SEPTIN9: variants seen among roughly 807,000 people sequenced by gnomAD.
SEPTIN9 encodes septin-9.
Under a neutral mutation model 56.6 loss-of-function variants are expected in SEPTIN9, and 13 were observed. The ratio of observed to expected loss-of-function variants is 0.23; its 90% CI spans 0.15 to 0.37. SEPTIN9 has a LOEUF of 0.37. SEPTIN9 is among the 10% of genes least tolerant of loss of function. The pLI is 1.00. For synonymous variants in SEPTIN9, 332 were observed against 334.1 expected, an observed-to-expected ratio of 0.99 and a Z score of 0.07; for missense variants, 650 against 823.1, an observed-to-expected ratio of 0.79 and a Z score of 2.57.
chr17:77,432,286 C>T (rs547868882), intron 3 of SEPTIN9, among the ~76,000 whole-genome samples: 17 of 152,340 alleles, frequency 1.1e-4, no homozygotes, highest in African/African-American at 2.2e-4. Flanking sequence ...GTGCTTAGAA[C>T]GGTCCTGGCA....
intron 2 of SEPTIN9, among the ~76,000 whole-genome samples, chr17:77,360,281 C>T (rs183368944): frequency 6.6e-6 from 1 of 152,222 alleles, no homozygotes; most frequent in East Asian, 1.9e-4. Flanking sequence ...TTGATTGGGT[C>T]AGCCTGCCAG....
At chr17:77,349,583 C>T (rs1327846652) in intron 2 of SEPTIN9, among the ~76,000 whole-genome samples, 2 of 152,266 alleles carry the variant, frequency 1.3e-5, no homozygotes, top group East Asian at 1.9e-4. Flanking sequence ...TGTTGTTTTT[C>T]CCTGGATGCT....
intron 2 of SEPTIN9, among the ~76,000 whole-genome samples, chr17:77,361,885 G>A (rs1455187643): frequency 6.6e-6 from 1 of 152,200 alleles, no homozygotes; most frequent in Non-Finnish European, 1.5e-5. Flanking sequence ...GCCCGCCTCG[G>A]CCTCCCAAAG....
In SEPTIN9 at chr17:77,352,241, CAA is replaced by C. The variant is rs57045175; in HGVS notation, c.76+45059_76+45060del. On this transcript the variant is annotated intron_variant, in intron 2 of 11. Coordinates refer to ENST00000427177, the MANE Select transcript of SEPTIN9 (RefSeq NM_001113491.2). ...TGAAACCCCGTCTCTACTAAAAATA[CAA>C]AAAAAAAAAAAAAATTAGCCGGGCG... Among the ~76,000 whole-genome samples, 1,100 of 136,616 alleles carry C rather than the reference CAA, an allele frequency of 8.1e-3. 16 individuals carry two copies. Among genetic ancestry groups the C allele is most frequent in the African/African-American group, 0.023 (873 of 37,390 alleles). 89.6% of individuals were successfully genotyped at this position (136,616 alleles called of 152,430 possible).
chr17:77,362,672 T>C (rs1226150677), intron 2 of SEPTIN9, among the ~76,000 whole-genome samples: 22 of 152,216 alleles, frequency 1.4e-4, no homozygotes. Context: ...CTGATGCTGC[T>C]GTATGTTCAC....
intron 1 of SEPTIN9, among the ~76,000 whole-genome samples, chr17:77,301,547 C>T (rs1167225317): frequency 1.3e-5 from 2 of 152,058 alleles, no homozygotes. Context: ...GCCTCAGCTT[C>T]CTGAGTAGCT....
At chr17:77,331,344 T>TA (rs1364607937) in intron 2 of SEPTIN9, among the ~76,000 whole-genome samples, 2 of 152,022 alleles carry the variant, frequency 1.3e-5, no homozygotes, top group African/African-American at 4.8e-5. Context: ...CACTGGGGCT[T>TA]ATGCTCCTCC....
chr17:77,383,546 G>A (rs1364731419), intron 2 of SEPTIN9, among the ~76,000 whole-genome samples: 4 of 152,216 alleles, frequency 2.6e-5, no homozygotes, highest in African/African-American at 7.2e-5. Context: ...CTAGTCCTTG[G>A]AGAGTGGGGA....
At chr17:77,295,718 G>A (rs1251872345) in intron 1 of SEPTIN9, among the ~76,000 whole-genome samples, 2 of 149,962 alleles carry the variant, frequency 1.3e-5, no homozygotes, top group African/African-American at 4.9e-5. Flanking sequence ...AATGGCATCT[G>A]CAGCCGGCCT....
chr17:77,365,419 CTT>C (rs1361878474), intron 2 of SEPTIN9, among the ~76,000 whole-genome samples: 2 of 151,898 alleles, frequency 1.3e-5, no homozygotes, highest in African/African-American at 4.8e-5. Flanking sequence ...CTCTCTCTCT[CTT>C]TCCCCCTTTC....
At chr17:77,348,294 GTTTTTTTTTTT>G (rs367934946) in intron 2 of SEPTIN9, among the ~76,000 whole-genome samples, 24 of 89,752 alleles carry the variant, frequency 2.7e-4, no homozygotes, top group Middle Eastern at 0.01. Flanking sequence ...TTTAATTTAT[GTTTTTTTTTTT>G]TTTTTTTTTT....
intron 2 of SEPTIN9, among the ~76,000 whole-genome samples, chr17:77,322,033 GGGCCACCAGCCCCA>G (rs2032956389): frequency 6.6e-6 from 1 of 152,224 alleles, no homozygotes; most frequent in African/African-American, 2.4e-5. Context: ...CCTGCCTCCT[GGGCCACCAGCCCCA>G]GGAGGACGTC....
At chr17:77,441,873 C>T (rs554457504) in intron 3 of SEPTIN9, among the ~76,000 whole-genome samples, 212 of 152,216 alleles carry the variant, frequency 1.4e-3, no homozygotes, top group African/African-American at 4.1e-3. Flanking sequence ...CTTTGAGAAA[C>T]GGGGTCCAAA....
At chr17:77,488,605 G>C (rs1165412422) in intron 6 of SEPTIN9, 122 bp from the exon 7 acceptor site, 82 of 1,392,910 alleles carry the variant, frequency 5.9e-5, no homozygotes, top group Non-Finnish European at 8.2e-5. Context: ...CAGCAAGCCA[G>C]ACCTCCCAGG....
chr17:77,464,492 T>TA (rs2038619369), intron 3 of SEPTIN9, among the ~76,000 whole-genome samples: 1 of 152,226 alleles, frequency 6.6e-6, no homozygotes, highest in Admixed American at 6.5e-5. Context: ...TTCTAAAAGG[T>TA]AAAAGGGTTA....
intron 2 of SEPTIN9, chr17:77,320,378 G>GC (rs760771713): frequency 2.5e-6 from 4 of 1,582,134 alleles, no homozygotes; most frequent in African/African-American, 1.3e-5. Flanking sequence ...CCCATCGGCC[G>GC]CCCCCCACTG....
In SEPTIN9 at chr17:77,490,884, C is replaced by T. The variant is rs1402435788; in HGVS notation, c.1380+25C>T. 10 of 1,531,750 alleles carry T rather than the reference C, an allele frequency of 6.5e-6. No homozygotes were observed. The Admixed American group carries it at 1.9e-4, about 30-fold the overall frequency. 94.9% of individuals were successfully genotyped at this position (1,531,750 alleles called of 1,614,324 possible). Reference sequence around the variant, plus strand: ...GGTAGGGTTCCATCTCTACTTGCCCCAGCCCTTCTGTGCAACCTGGAGACG... The same window carrying T: ...GGTAGGGTTCCATCTCTACTTGCCCTAGCCCTTCTGTGCAACCTGGAGACG... On this transcript the variant is annotated intron_variant, in intron 8 of 11. Transcript: ENST00000427177.
At chr17:77,441,429 G>A (rs911207233) in intron 3 of SEPTIN9, among the ~76,000 whole-genome samples, 1 of 152,254 alleles carries the variant, frequency 6.6e-6, no homozygotes, top group African/African-American at 2.4e-5. Context: ...GAGTCAGCCA[G>A]CGCCCCCATG....
In SEPTIN9 at chr17:77,343,244, C is replaced by T. The variant is rs529776969; in HGVS notation, c.76+36047C>T. 3.9e-5 allele frequency among the ~76,000 whole-genome samples: 6 copies of T among 152,236 alleles called. No individual in the cohort carries two copies. The East Asian group carries it at 9.6e-4, about 24-fold the overall frequency. ...TGCAGCCTTTCCCATCCACCTCCTG[C>T]GAGGCAAGAGGGGATGAAGGTTGAG... On this transcript the variant is annotated intron_variant, in intron 2 of 11. Transcript: ENST00000427177.
Sources: allele counts gnomAD v4.1 joint callset (sites outside exome capture counted in the v4.1 genomes callset), GRCh38; gene constraint gnomAD v4.1.1; transcripts MANE v1.5; gene names NCBI Gene and HGNC (gene_info 2026-07-23, HGNC 2026-07-21).